THBS4: variants seen among roughly 807,000 people sequenced by gnomAD.
The protein encoded by THBS4 is thrombospondin-4.
In THBS4, 90 loss-of-function variants were observed where a neutral mutation model predicts 115.7. That is an observed-to-expected ratio of 0.78 (90% CI 0.66 to 0.93). The LOEUF is 0.93. Among genes scored for constraint, THBS4 ranks in the 40% least tolerant of loss-of-function variants. THBS4 has a pLI of 0.00. For synonymous variants in THBS4, 460 were observed against 479.3 expected, an observed-to-expected ratio of 0.96 and a Z score of 0.53; for missense variants, 1,087 against 1,232.7, an observed-to-expected ratio of 0.88 and a Z score of 1.77.
chr5:80,016,746 T>G (rs1402318019), intron 2 of THBS4, among the ~76,000 whole-genome samples: 1 of 152,224 alleles, frequency 6.6e-6, no homozygotes, highest in South Asian at 2.1e-4. Flanking sequence ...CCTGTCCTGT[T>G]AGTGATTTGC....
At chr5:80,046,170 G>C (rs979462982) in intron 2 of THBS4, among the ~76,000 whole-genome samples, 1 of 152,198 alleles carries the variant, frequency 6.6e-6, no homozygotes, top group Admixed American at 6.5e-5. Context: ...GTAAGTCATA[G>C]ATGGCTCTTT....
At chr5:80,083,041 G>A in intron 21 of THBS4, 39 bp from the exon 22 acceptor site, 2 of 1,592,660 alleles carry the variant, frequency 1.3e-6, no homozygotes, top group Middle Eastern at 1.7e-4. Context: ...CGGGGTGGAA[G>A]GAGCCTCGCT....
chr5:80,027,486 T>G (rs1435543801), intron 2 of THBS4, among the ~76,000 whole-genome samples: 1 of 152,128 alleles, frequency 6.6e-6, no homozygotes, highest in Non-Finnish European at 1.5e-5. Context: ...CAATAATAAA[T>G]CCCCAAGATG....
intron 2 of THBS4, among the ~76,000 whole-genome samples, chr5:80,050,662 A>C (rs1833226170): frequency 6.6e-6 from 1 of 152,222 alleles, no homozygotes; most frequent in Non-Finnish European, 1.5e-5. Context: ...CTAATTTATT[A>C]GTCCTGCAAA....
rs762654406 is a variant in THBS4, at chr5:80,071,131, C to T, written c.1671C>T (p.Thr557=). The change falls in exon 13 of 22, where the codon ACC becomes ACT. Residue 557 remains threonine (T), a synonymous_variant. Coordinates refer to ENST00000350881, the MANE Select transcript of THBS4 (RefSeq NM_003248.6). ...TCTTAAATAACGACCAGAAAGACAC[C>T]GATGGGGATGGAAGAGGAGATGCCT... ...LSVLNNDQKD[T]DGDGRGDACD... 67 of 1,606,112 alleles carry T rather than the reference C, an allele frequency of 4.2e-5. No individual in the cohort carries two copies. The highest frequency in any genetic ancestry group is 5.3e-5 in the Non-Finnish European group (63 of 1,177,930).
chr5:80,012,598 C>T (rs949561952), intron 2 of THBS4, among the ~76,000 whole-genome samples: 1 of 152,130 alleles, frequency 6.6e-6, no homozygotes, highest in Admixed American at 6.5e-5. Flanking sequence ...AGAAGCTTAT[C>T]AAGACTCAGG....
intron 2 of THBS4, among the ~76,000 whole-genome samples, chr5:80,007,450 C>G (rs1272916400): frequency 1.3e-5 from 2 of 152,192 alleles, no homozygotes; most frequent in African/African-American, 4.8e-5. Flanking sequence ...ATCCCTGTGC[C>G]TCCTGGAATT....
At chr5:80,064,040 G>T (rs951071345) in intron 8 of THBS4, among the ~76,000 whole-genome samples, 1 of 152,106 alleles carries the variant, frequency 6.6e-6, no homozygotes, top group South Asian at 2.1e-4. Flanking sequence ...CTTTGGAAAG[G>T]CCTAACACCC....
chr5:80,021,335 G>C (rs1279135826), intron 2 of THBS4, among the ~76,000 whole-genome samples: 1 of 152,064 alleles, frequency 6.6e-6, no homozygotes, highest in Non-Finnish European at 1.5e-5. Flanking sequence ...AGACATAAAA[G>C]AGATTTGCAA....
chr5:80,078,977 C>T lies in THBS4; in HGVS notation c.2314+8C>T, dbSNP rs758523061. The T allele has an allele frequency of 6.2e-7, 1 of 1,614,068 alleles. No individual in the cohort carries two copies. The highest frequency in any genetic ancestry group is 8.5e-7 in the Non-Finnish European group (1 of 1,179,956). ...ATCCTGGCCTGGCAGTGGGTATGTCCAGGGCCTCAGTTGCCACTCACATAG... is the reference window on the plus strand; with the variant it reads ...ATCCTGGCCTGGCAGTGGGTATGTCTAGGGCCTCAGTTGCCACTCACATAG... On this transcript the variant is annotated splice_region_variant and intron_variant, in intron 18 of 21. Transcript: ENST00000350881.
intron 2 of THBS4, among the ~76,000 whole-genome samples, chr5:80,051,252 T>C (rs1833246188): frequency 6.6e-6 from 1 of 152,202 alleles, no homozygotes; most frequent in Non-Finnish European, 1.5e-5. Flanking sequence ...TTCTGCTTTT[T>C]CCAGACTCCA....
At chr5:80,080,579 CTTTTT>C (rs67048630) in intron 20 of THBS4, among the ~76,000 whole-genome samples, 70 of 50,496 alleles carry the variant, frequency 1.4e-3, no homozygotes, top group South Asian at 4.1e-3. Flanking sequence ...GCGCTTGTAT[CTTTTT>C]TTTTTTTTTT....
intron 2 of THBS4, among the ~76,000 whole-genome samples, chr5:80,027,732 C>CAA (rs199797654): frequency 6.7e-6 from 1 of 148,742 alleles, no homozygotes; most frequent in Admixed American, 6.7e-5. Flanking sequence ...CCCATTTCGA[C>CAA]AAAAAAAAAT....
chr5:80,068,838 G>A (rs947602298), intron 10 of THBS4: 1 of 152,574 alleles, frequency 6.6e-6, no homozygotes, highest in South Asian at 2.1e-4. Flanking sequence ...GCTTGTAGTG[G>A]GCCCTATGTG....
chr5:80,080,289 G>A (rs1418503565), intron 20 of THBS4: 1 of 575,916 alleles, frequency 1.7e-6, no homozygotes, highest in Non-Finnish European at 3.0e-6. Context: ...GTAGGACCAA[G>A]ATGGGGATAG....
Position 80,068,014 on chromosome 5 carries a change from T to C in THBS4, c.1236T>C (p.Gly412=). The C allele has an allele frequency of 1.2e-6, 2 of 1,614,110 alleles. No homozygotes were observed. The highest frequency in any genetic ancestry group is 2.2e-5 in the South Asian group (2 of 91,080). The change falls in exon 10 of 22, where the codon GGT becomes GGC. Residue 412 remains glycine, a synonymous_variant. Coordinates refer to ENST00000350881, the MANE Select transcript of THBS4 (RefSeq NM_003248.6). The part of the protein sequence containing the change: ...RCGPCKPGYT[G]DQIRGCKAER... ...GGCCTTGTAAGCCGGGGTATACTGGTGATCAGATAAGGGGATGCAAAGCGG... is the reference window on the plus strand; with the variant it reads ...GGCCTTGTAAGCCGGGGTATACTGGCGATCAGATAAGGGGATGCAAAGCGG...
At position 80,072,444 on chromosome 5, in the gene THBS4, G is replaced by A. The variant is rs1490341467; in HGVS notation, c.1839+48G>A. The A allele has an allele frequency of 2.0e-6, 3 of 1,525,494 alleles. No individual in the cohort carries two copies. The South Asian group carries it at 3.4e-5, about 17-fold the overall frequency. The allele number at this position is 1,525,494 out of a possible 1,614,324, so 94.5% of individuals were successfully genotyped here. A position where few individuals can be genotyped will look rare whatever the true frequency, so the allele number is the denominator to read the frequency against. ...CAAACTCCAGGCTGAATTCCTCTAT[G>A]CAAAGACTCATTTAAGACGGGTGTC... On this transcript the variant is annotated intron_variant, in intron 14 of 21. Transcript: ENST00000350881.
chr5:80,054,918 G>C (rs1833373113), intron 2 of THBS4, among the ~76,000 whole-genome samples: 1 of 152,216 alleles, frequency 6.6e-6, no homozygotes, highest in Admixed American at 6.5e-5. Context: ...CTCAGGTTCA[G>C]ATTCTAGTCC....
At chr5:80,082,686 C>A (rs567414479) in intron 21 of THBS4, 141 bp downstream of exon 21, 2 of 1,056,678 alleles carry the variant, frequency 1.9e-6, no homozygotes, top group South Asian at 1.6e-5. Context: ...CCCTGTGTAC[C>A]AGAAGTAAAA....
Sources: allele counts gnomAD v4.1 joint callset (sites outside exome capture counted in the v4.1 genomes callset), GRCh38; gene constraint gnomAD v4.1.1; transcripts MANE v1.5; gene names NCBI Gene and HGNC (gene_info 2026-07-23, HGNC 2026-07-21).